Variants in BRSK2 observed in about 807,000 individuals in gnomAD.
BRSK2 encodes serine/threonine-protein kinase BRSK2.
BRSK2 carries 19 observed loss-of-function variants against 83.3 expected under a neutral mutation model. The ratio of observed to expected loss-of-function variants is 0.23; its 90% confidence interval spans 0.16 to 0.33. BRSK2 has a LOEUF of 0.33. Among genes scored for constraint, BRSK2 ranks in the 10% least tolerant of loss-of-function variants. The probability of loss-of-function intolerance (pLI) is 1.00; values close to 1 mark genes in which losing one functional copy is unlikely to be tolerated. For missense variants in BRSK2, 798 were observed against 1,042.3 expected, an observed-to-expected ratio of 0.77 and a Z score of 3.23; for synonymous variants, 519 against 435.4, an observed-to-expected ratio of 1.19 and a Z score of -2.39.
chr11:1,408,966 A>G (rs931310423), intron 1 of BRSK2, among the ~76,000 whole-genome samples: 1 of 104,890 alleles, frequency 9.5e-6, no homozygotes, highest in Non-Finnish European at 2.2e-5. Context: ...TTGCCTGTGC[A>G]GGTGTGTGTG....
Position 1,447,191 on chromosome 11 carries a change from C to A in BRSK2, c.1226+1284C>A, listed in dbSNP as rs187968525. Among the ~76,000 whole-genome samples, 5 of 152,262 alleles carry A rather than the reference C, an allele frequency of 3.3e-5. No homozygotes were observed. In the East Asian group the frequency reaches 9.7e-4, roughly 29 times the overall value. ...CAGTACTAGGGGGTAGCAAGGGGCC[C>A]TCCTATCTACATTCTACTGTCCTGA... On this transcript the variant is annotated intron_variant, in intron 12 of 19. Coordinates refer to ENST00000528841, the MANE Select transcript of BRSK2 (RefSeq NM_001256627.2).
At chr11:1,429,219 T>G (rs1301977040) in intron 1 of BRSK2, among the ~76,000 whole-genome samples, 1 of 149,674 alleles carries the variant, frequency 6.7e-6, no homozygotes, top group African/African-American at 2.5e-5. Flanking sequence ...ACGCGGTGTG[T>G]GGGCGTGTGC....
chr11:1,416,617 G>GCTTA (rs763194684), intron 1 of BRSK2, among the ~76,000 whole-genome samples: 23 of 152,206 alleles, frequency 1.5e-4, no homozygotes, highest in Non-Finnish European at 7.3e-5. Flanking sequence ...TCCTTTGAGT[G>GCTTA]CTTAGCAGGT....
Position 1,456,472 on chromosome 11 carries a change from G to A in BRSK2, c.1793G>A (p.Gly598Asp). 6.3e-7 allele frequency: 1 copy of A among 1,577,862 alleles called. No individual in the cohort carries two copies. Among genetic ancestry groups the A allele is most frequent in the Non-Finnish European group, 8.6e-7 (1 of 1,160,594 alleles). The change falls in exon 17 of 20, where the codon GGT becomes GAT. Residue 598 changes from glycine (G) to aspartate (D), a missense_variant. By Grantham distance (94) the Gly-to-Asp change is moderately conservative. This residue lies in a region of BRSK2 where 455 missense variants were observed against 455.2 expected (regional missense o/e 1.00). Coordinates refer to ENST00000528841, the MANE Select transcript of BRSK2 (RefSeq NM_001256627.2). ...CAGGTTGATATCACCTACACGGAGG[G>A]TGGGGAGGCGCAGAAGGAGAACGGC... ...KFQVDITYTE[G>D]GEAQKENGIY...
chr11:1,406,397 G>C (rs111833917), intron 1 of BRSK2, among the ~76,000 whole-genome samples: 1 of 152,184 alleles, frequency 6.6e-6, no homozygotes, highest in African/African-American at 2.4e-5. Context: ...GCATGAACCC[G>C]GGAGGCGGAG....
At chr11:1,445,068 G>C (rs2133115992) in intron 9 of BRSK2, 66 bp downstream of exon 9, 1 of 1,580,538 alleles carries the variant, frequency 6.3e-7, no homozygotes, top group Non-Finnish European at 8.7e-7. Flanking sequence ...GGCCCTGCTA[G>C]GAAAGGCGGG....
At chr11:1,436,796 CTTCCTCTCCA>C (rs1469290836) in intron 2 of BRSK2, among the ~76,000 whole-genome samples, 3 of 152,088 alleles carry the variant, frequency 2.0e-5, no homozygotes, top group Non-Finnish European at 2.9e-5. Flanking sequence ...CCTCCTCTCC[CTTCCTCTCCA>C]TTCGCTCCTT....
intron 2 of BRSK2, among the ~76,000 whole-genome samples, chr11:1,437,492 C>T (rs66658795): frequency 0.41 from 62,747 of 152,152 alleles, 13,413 homozygotes; most frequent in Middle Eastern, 0.49. Context: ...GCCCTTACCT[C>T]GGAGCAGGAC....
intron 3 of BRSK2, among the ~76,000 whole-genome samples, chr11:1,439,496 G>A (rs751658578): frequency 7.9e-5 from 12 of 151,764 alleles, no homozygotes; most frequent in East Asian, 1.9e-4. Context: ...ACACGGTGCC[G>A]GTGCAGTGGG....
rs780607569 is a variant in BRSK2, at chr11:1,461,026, G to A, written c.*303G>A. The A allele has an allele frequency of 3.7e-6, 6 of 1,611,246 alleles. No homozygotes were observed. Among genetic ancestry groups the A allele is most frequent in the African/African-American group, 2.7e-5 (2 of 74,860 alleles). On this transcript the variant is annotated 3_prime_UTR_variant, in exon 20 of 20. Coordinates refer to ENST00000528841, the MANE Select transcript of BRSK2 (RefSeq NM_001256627.2). ...CACGAGGCCATCCTCTGTGACCGAA[G>A]GCAGCTGCTGCGGACCCGCCCTCCC...
At chr11:1,405,366 G>A (rs573589377) in intron 1 of BRSK2, among the ~76,000 whole-genome samples, 37 of 152,228 alleles carry the variant, frequency 2.4e-4, no homozygotes, top group African/African-American at 8.7e-4. Flanking sequence ...GTGTGTGCGT[G>A]CCCACCTGTG....
chr11:1,390,248 GCC>G lies in BRSK2; in HGVS notation c.-35_-34del. The G allele has an allele frequency of 1.0e-6, 1 of 991,494 alleles. No individual in the cohort carries two copies. The allele number at this position is 991,494 out of a possible 1,614,324, so 61.4% of individuals were successfully genotyped here. A position where few individuals can be genotyped will look rare whatever the true frequency, so the allele number is the denominator to read the frequency against. ...CTGGGCGGCCCCTCCCTGCCCGCGC[GCC>G]CGGGCGCCCCTGGCCGGCGCCGGGC... is the stretch of plus-strand genomic sequence containing the variant. On this transcript the variant is annotated 5_prime_UTR_variant, in exon 1 of 20. Coordinates refer to ENST00000528841, the MANE Select transcript of BRSK2 (RefSeq NM_001256627.2). The surrounding 1 kb of genome is among the most constrained non-coding windows in gnomAD (Gnocchi z 6.8).
At chr11:1,408,986 GTA>G (rs111930520) in intron 1 of BRSK2, among the ~76,000 whole-genome samples, 36,283 of 119,318 alleles carry the variant, frequency 0.3, 4,580 homozygotes, top group Non-Finnish European at 0.35. Flanking sequence ...GTGTGTGTGT[GTA>G]TGTCTGTGCA....
At chr11:1,415,394 C>T (rs1165929183) in intron 1 of BRSK2, among the ~76,000 whole-genome samples, 2 of 151,982 alleles carry the variant, frequency 1.3e-5, no homozygotes, top group African/African-American at 2.4e-5. Flanking sequence ...GCGCCTGGCC[C>T]TGTCTTTACC....
chr11:1,422,556 G>A (rs913782707), intron 1 of BRSK2, among the ~76,000 whole-genome samples: 3 of 152,098 alleles, frequency 2.0e-5, no homozygotes, highest in Non-Finnish European at 4.4e-5. Flanking sequence ...CCCCCACCCC[G>A]AGGATGCATG....
chr11:1,396,228 C>T (rs1272148987), intron 1 of BRSK2, among the ~76,000 whole-genome samples: 3 of 129,398 alleles, frequency 2.3e-5, no homozygotes, highest in African/African-American at 3.4e-5. Context: ...GTCCCTCTTC[C>T]CTTCCACCCA....
In BRSK2 at chr11:1,458,751, G is replaced by A. The variant is rs151316538; in HGVS notation, c.1940-441G>A. 5.3e-3 allele frequency among the ~76,000 whole-genome samples: 806 copies of A among 152,288 alleles called. 6 individuals carry two copies. The highest frequency in any genetic ancestry group is 0.018 in the African/African-American group (741 of 41,568). ...TCCCCAGGCCCAGCAGTAGGGAAGA[G>A]GGCCGAGGAAGAGGGTGCCTGCCTT... On this transcript the variant is annotated intron_variant, in intron 18 of 19. Coordinates refer to ENST00000528841, the MANE Select transcript of BRSK2 (RefSeq NM_001256627.2).
At chr11:1,392,120 G>A (rs560276115) in intron 1 of BRSK2, among the ~76,000 whole-genome samples, 7 of 152,348 alleles carry the variant, frequency 4.6e-5, no homozygotes, top group East Asian at 3.9e-4. Context: ...ATTTCTGTGC[G>A]TCTTCTGTTG....
At chr11:1,450,168 G>A (rs1020037828) in intron 13 of BRSK2, among the ~76,000 whole-genome samples, 3 of 151,736 alleles carry the variant, frequency 2.0e-5, no homozygotes, top group African/African-American at 7.3e-5. Flanking sequence ...GGACTGGGGT[G>A]CATGTGCCGC....
Sources: gnomAD v4.1 joint callset for allele counts (sites outside exome capture counted in the v4.1 genomes callset) on GRCh38, gnomAD v4.1.1 for gene constraint, gnomAD v4.1.1 regional missense constraint, Gnocchi (gnomAD v3.1) non-coding constraint, MANE v1.5 for transcripts, NCBI Gene and HGNC (gene_info 2026-07-23, HGNC 2026-07-21) for gene names.